The following PRDM1 variants were observed in gnomAD, a reference collection of about 807,000 sequenced individuals.
The protein encoded by PRDM1 is PR/SET domain 1.
PRDM1 carries 13 observed loss-of-function variants against 62.8 expected under a neutral mutation model. The observed-to-expected ratio is 0.21, with a 90% CI of 0.13 to 0.33. PRDM1 has a LOEUF of 0.33. Ranked by LOEUF, PRDM1 falls within the 10% of genes least tolerant of loss-of-function variation. PRDM1 has a pLI of 1.00. For missense variants in PRDM1, 895 were observed against 1,058.8 expected, an observed-to-expected ratio of 0.85 and a Z score of 2.15; for synonymous variants, 396 against 417.6, an observed-to-expected ratio of 0.95 and a Z score of 0.63.
chr6:106,083,491 GA>G (rs1773732596), upstream of PRDM1, among the ~76,000 whole-genome samples: 1 of 151,914 alleles, frequency 6.6e-6, no homozygotes, highest in African/African-American at 2.4e-5. Flanking sequence ...TTTCCCTATA[GA>G]GTCATCTGGC....
intron 1 of PRDM1, among the ~76,000 whole-genome samples, chr6:106,039,150 C>A (rs1772960048): frequency 6.6e-6 from 1 of 152,108 alleles, no homozygotes; most frequent in East Asian, 1.9e-4. Context: ...AGACCATAAA[C>A]TTAGAAAGTT....
intron 1 of PRDM1, among the ~76,000 whole-genome samples, chr6:105,999,044 C>T (rs1315395001): frequency 2.6e-5 from 4 of 151,166 alleles, no homozygotes; most frequent in African/African-American, 7.3e-5. Context: ...CTCAAGCAAT[C>T]CTCCCACCTC....
At chr6:106,085,007 A>G (rs1773764887), upstream of PRDM1, among the ~76,000 whole-genome samples, 1 of 152,218 alleles carries the variant, frequency 6.6e-6, no homozygotes, top group Non-Finnish European at 1.5e-5. Context: ...CTCCCCTAAA[A>G]AAAATTCTAG....
rs181571106 is a variant in PRDM1, at chr6:106,109,200, A to T, written c.*1714A>T. ...TGGGCACCCTTGCCTACTGTAAGAG[A>T]CCCTAAAACCTTGGTGCAGTGGTGG... On this transcript the variant is annotated 3_prime_UTR_variant, in exon 7 of 7. Coordinates refer to ENST00000369096, the MANE Select transcript of PRDM1 (RefSeq NM_001198.4). 1.8e-5 allele frequency: 4 copies of T among 227,370 alleles called. No homozygotes were observed. The Admixed American group carries it at 2.3e-4, about 13-fold the overall frequency. The allele number at this position is 227,370 out of a possible 1,614,324, so 14.1% of individuals were successfully genotyped here.
chr6:106,034,035 A>T (rs929516081), intron 1 of PRDM1, among the ~76,000 whole-genome samples: 2 of 152,116 alleles, frequency 1.3e-5, no homozygotes, highest in Non-Finnish European at 2.9e-5. Context: ...CCAATCTGTT[A>T]GCATACAAAT....
At chr6:106,020,898 A>G (rs1298279441) in intron 1 of PRDM1, among the ~76,000 whole-genome samples, 3 of 152,210 alleles carry the variant, frequency 2.0e-5, no homozygotes, top group Non-Finnish European at 4.4e-5. Flanking sequence ...AGGCCAGCCT[A>G]GAGTGCCTCC....
At chr6:106,042,274 AC>A (rs1183734039) in intron 1 of PRDM1, among the ~76,000 whole-genome samples, 8 of 151,478 alleles carry the variant, frequency 5.3e-5, no homozygotes, top group Non-Finnish European at 1.2e-4. Flanking sequence ...TAATCCCAGC[AC>A]TTTGGGAGGT....
chr6:106,011,269 C>G (rs1187226502), intron 1 of PRDM1, among the ~76,000 whole-genome samples: 1 of 152,192 alleles, frequency 6.6e-6, no homozygotes, highest in Non-Finnish European at 1.5e-5. Context: ...TCTGAGGAAC[C>G]TCTGTTGCTG....
In PRDM1 at chr6:106,109,617, G is replaced by C. The variant is rs905446227; in HGVS notation, c.*2131G>C. 11 of 233,384 alleles carry C rather than the reference G, an allele frequency of 4.7e-5. No homozygotes were observed. The highest frequency in any genetic ancestry group is 9.3e-5 in the Non-Finnish European group (11 of 117,894). 14.5% of individuals were successfully genotyped at this position (233,384 alleles called of 1,614,324 possible). ...AAACCAAAGCATCACGTTGACATTA[G>C]ACCAAATACTTTTGATTCCCAACTA... On this transcript the variant is annotated 3_prime_UTR_variant, in exon 7 of 7. Coordinates refer to ENST00000369096, the MANE Select transcript of PRDM1 (RefSeq NM_001198.4).
intron 3 of PRDM1, chr6:106,096,267 G>C (rs927121688): frequency 1.3e-5 from 2 of 154,974 alleles, no homozygotes; most frequent in African/African-American, 4.8e-5. Context: ...TCCTGCCTCA[G>C]CCTCCCGAGT....
At position 106,088,386 on chromosome 6, in the gene PRDM1, G is replaced by T; in HGVS notation, c.228G>T (p.Ser76=). ...ATTCTGGTGCTGATGGCGGTACTTC[G>T]GTTCAGGCGGAGGCATCCTTACCAA... ...PWDSGADGGT[S]VQAEASLPRN... Residue 76 remains serine (S), a synonymous_variant, in exon 2 of 7, where the codon TCG becomes TCT. Coordinates refer to ENST00000369096, the MANE Select transcript of PRDM1 (RefSeq NM_001198.4). 6.2e-7 allele frequency: 1 copy of T among 1,614,136 alleles called. No homozygotes were observed. The highest frequency in any genetic ancestry group is 8.5e-7 in the Non-Finnish European group (1 of 1,180,032).
At chr6:106,084,567 G>T (rs77512532), upstream of PRDM1, among the ~76,000 whole-genome samples, 962 of 152,294 alleles carry the variant, frequency 6.3e-3, 29 homozygotes, top group East Asian at 0.048. Flanking sequence ...AACAGAGTTT[G>T]ATTCTAAAAG....
At chr6:106,083,256 G>GT (rs1254956962), upstream of PRDM1, among the ~76,000 whole-genome samples, 1 of 140,886 alleles carries the variant, frequency 7.1e-6, no homozygotes, top group Non-Finnish European at 1.5e-5. Flanking sequence ...GAAGAAGAGG[G>GT]TGGGGGGGTT....
intron 1 of PRDM1, among the ~76,000 whole-genome samples, chr6:106,062,273 T>C (rs1038773872): frequency 6.6e-6 from 1 of 152,212 alleles, no homozygotes; most frequent in Admixed American, 6.5e-5. Context: ...CTTTTTATTC[T>C]TCAAGATCTA....
intron 1 of PRDM1, among the ~76,000 whole-genome samples, chr6:106,049,648 C>A (rs1280324352): frequency 6.6e-6 from 1 of 152,168 alleles, no homozygotes; most frequent in East Asian, 1.9e-4. Context: ...TGGCATCTAT[C>A]ATTTCCTTCC....
At chr6:106,068,599 A>G (rs1299370121) in intron 1 of PRDM1, among the ~76,000 whole-genome samples, 2 of 152,088 alleles carry the variant, frequency 1.3e-5, no homozygotes, top group Non-Finnish European at 2.9e-5. Context: ...TTCTCCTTCT[A>G]CCATCCACAG....
chr6:106,023,870 G>A (rs1219244820), intron 1 of PRDM1, among the ~76,000 whole-genome samples: 2 of 152,134 alleles, frequency 1.3e-5, no homozygotes, highest in Non-Finnish European at 2.9e-5. Flanking sequence ...GGCCTAGCAC[G>A]GTGGCTCATG....
intron 1 of PRDM1, among the ~76,000 whole-genome samples, chr6:106,034,322 G>A (rs1644211081): frequency 6.6e-6 from 1 of 151,312 alleles, no homozygotes; most frequent in African/African-American, 2.4e-5. Context: ...TCTTTTCCTA[G>A]TTACTTAAGT....
chr6:106,081,660 T>C (rs1773696446), upstream of PRDM1, among the ~76,000 whole-genome samples: 1 of 152,232 alleles, frequency 6.6e-6, no homozygotes, highest in Non-Finnish European at 1.5e-5. Context: ...CTGTCTCTTC[T>C]ATCCTAACTT....
Sources: allele counts gnomAD v4.1 joint callset (sites outside exome capture counted in the v4.1 genomes callset), GRCh38; gene constraint gnomAD v4.1.1; transcripts MANE v1.5; gene names NCBI Gene and HGNC (gene_info 2026-07-23, HGNC 2026-07-21).